BRINP2: variants seen among roughly 807,000 people sequenced by gnomAD.
The protein encoded by BRINP2 is BMP/retinoic acid inducible neural specific 2.
BRINP2 carries 21 observed loss-of-function variants against 69.2 expected under a neutral mutation model. The observed-to-expected ratio is 0.30, with a 90% CI of 0.22 to 0.44. The LOEUF (loss-of-function observed/expected upper bound fraction) is 0.44. Ranked by LOEUF, BRINP2 falls within the 20% of genes least tolerant of loss-of-function variation. BRINP2 has a pLI of 1.00. For missense variants in BRINP2, 877 were observed against 986.0 expected, an observed-to-expected ratio of 0.89 and a Z score of 1.48; for synonymous variants, 380 against 394.1, an observed-to-expected ratio of 0.96 and a Z score of 0.42.
At chr1:177,263,738 T>C (rs1175504628) in intron 4 of BRINP2, among the ~76,000 whole-genome samples, 3 of 152,142 alleles carry the variant, frequency 2.0e-5, no homozygotes, top group African/African-American at 7.2e-5. Flanking sequence ...AGGATGACTT[T>C]CTATTAACAG....
chr1:177,185,816 A>C (rs1648409671), intron 1 of BRINP2, among the ~76,000 whole-genome samples: 1 of 152,184 alleles, frequency 6.6e-6, no homozygotes, highest in East Asian at 1.9e-4. Context: ...CAGCTCTATC[A>C]GACAGCCTCT....
At chr1:177,225,097 A>G (rs1409409758) in intron 1 of BRINP2, among the ~76,000 whole-genome samples, 1 of 152,226 alleles carries the variant, frequency 6.6e-6, no homozygotes. Context: ...AAAAATTCCC[A>G]AGAAGTCCTC....
intron 1 of BRINP2, among the ~76,000 whole-genome samples, chr1:177,183,878 G>C (rs927629746): frequency 7.2e-5 from 11 of 152,144 alleles, no homozygotes; most frequent in African/African-American, 2.4e-4. Context: ...AATCCCACAT[G>C]TTTTCCATTA....
intron 1 of BRINP2, among the ~76,000 whole-genome samples, chr1:177,201,777 A>G (rs968311004): frequency 3.9e-5 from 6 of 152,196 alleles, no homozygotes; most frequent in Admixed American, 3.9e-4. Context: ...AAGGAATGGT[A>G]CCAGCTCCTC....
chr1:177,209,427 C>T (rs1246586520), intron 1 of BRINP2, among the ~76,000 whole-genome samples: 2 of 152,224 alleles, frequency 1.3e-5, no homozygotes, highest in Admixed American at 6.5e-5. Context: ...TGCTGAATCA[C>T]CAGCACCAGT....
intron 1 of BRINP2, among the ~76,000 whole-genome samples, chr1:177,205,911 C>T (rs1013754663): frequency 5.3e-5 from 8 of 152,178 alleles, no homozygotes; most frequent in South Asian, 2.1e-4. Flanking sequence ...CCTCCCATAG[C>T]GTATCAGTGC....
chr1:177,221,831 G>A (rs888110719), intron 1 of BRINP2, among the ~76,000 whole-genome samples: 2 of 152,170 alleles, frequency 1.3e-5, no homozygotes, highest in African/African-American at 2.4e-5. Flanking sequence ...CAAAGCAACC[G>A]CATAATCAAT....
chr1:177,190,630 T>C (rs2102296284), intron 1 of BRINP2, among the ~76,000 whole-genome samples: 1 of 152,322 alleles, frequency 6.6e-6, no homozygotes, highest in Middle Eastern at 3.4e-3. Context: ...AACTGGACCC[T>C]GCTGATAGTT....
At chr1:177,262,100 C>A (rs1205058884) in intron 4 of BRINP2, among the ~76,000 whole-genome samples, 1 of 152,134 alleles carries the variant, frequency 6.6e-6, no homozygotes. Flanking sequence ...AGAAATAATC[C>A]TTTTGCTATG....
intron 4 of BRINP2, among the ~76,000 whole-genome samples, chr1:177,268,143 AC>A (rs1651186477): frequency 6.6e-6 from 1 of 152,162 alleles, no homozygotes; most frequent in South Asian, 2.1e-4. Context: ...TTGGCATCCC[AC>A]CCCACAGTTC....
intron 2 of BRINP2, among the ~76,000 whole-genome samples, chr1:177,245,840 C>T (rs1477138294): frequency 1.3e-5 from 2 of 152,130 alleles, no homozygotes; most frequent in Admixed American, 6.6e-5. Flanking sequence ...TGAGAATAGC[C>T]AAACAGTGAT....
At chr1:177,271,138 A>G (rs1651313345) in intron 4 of BRINP2, among the ~76,000 whole-genome samples, 1 of 152,242 alleles carries the variant, frequency 6.6e-6, no homozygotes, top group Non-Finnish European at 1.5e-5. Context: ...TGCTCCTTGA[A>G]TATTTGTTAA....
intron 1 of BRINP2, among the ~76,000 whole-genome samples, chr1:177,228,500 G>A (rs1280439988): frequency 6.6e-6 from 1 of 152,194 alleles, no homozygotes; most frequent in Non-Finnish European, 1.5e-5. Flanking sequence ...AAGTACTGAA[G>A]TCCACATTGT....
At chr1:177,188,838 T>G (rs1423825390) in intron 1 of BRINP2, among the ~76,000 whole-genome samples, 1 of 152,144 alleles carries the variant, frequency 6.6e-6, no homozygotes, top group Non-Finnish European at 1.5e-5. Context: ...AACCCACACC[T>G]ATCTTTCCTG....
intron 2 of BRINP2, among the ~76,000 whole-genome samples, chr1:177,233,496 A>C (rs184681417): frequency 6.6e-6 from 1 of 152,246 alleles, no homozygotes; most frequent in Non-Finnish European, 1.5e-5. Flanking sequence ...TAGCCTATGC[A>C]GGAAGGATAA....
At chr1:177,187,517 C>CA (rs1648462176) in intron 1 of BRINP2, among the ~76,000 whole-genome samples, 1 of 152,174 alleles carries the variant, frequency 6.6e-6, no homozygotes, top group Non-Finnish European at 1.5e-5. Context: ...ACATCCTGTG[C>CA]ACAGGGTCAG....
rs558204228 is a variant in BRINP2 at position 177,281,831 on chromosome 1, G to A, written c.*303G>A. On this transcript the variant is annotated 3_prime_UTR_variant, in exon 8 of 8. Coordinates refer to ENST00000361539, the MANE Select transcript of BRINP2 (RefSeq NM_021165.4). ...ATGCAATTGAAAGAAAGGAGCCAAG[G>A]AAGAGATTAAGAAAAAGAACCAGCT... is the stretch of plus-strand genomic sequence containing the variant. 6.5e-4 allele frequency: 170 copies of A among 260,664 alleles called. No individual in the cohort carries two copies. Among genetic ancestry groups the A allele is most frequent in the Non-Finnish European group, 1.1e-3 (153 of 138,792 alleles). The allele number at this position is 260,664 out of a possible 1,614,324, so 16.1% of individuals were successfully genotyped here.
chr1:177,265,401 C>T (rs150586290), intron 4 of BRINP2, among the ~76,000 whole-genome samples: 2 of 152,114 alleles, frequency 1.3e-5, no homozygotes, highest in South Asian at 2.1e-4. Flanking sequence ...GCCCTTTGTC[C>T]CTTCTTCATG....
chr1:177,214,661 C>T (rs1200747392), intron 1 of BRINP2, among the ~76,000 whole-genome samples: 2 of 152,212 alleles, frequency 1.3e-5, no homozygotes, highest in Admixed American at 6.5e-5. Flanking sequence ...ACCAGGATTA[C>T]ATGGCAACAA....
Sources: allele counts gnomAD v4.1 joint callset (sites outside exome capture counted in the v4.1 genomes callset), GRCh38; gene constraint gnomAD v4.1.1; transcripts MANE v1.5; gene names NCBI Gene and HGNC (gene_info 2026-07-23, HGNC 2026-07-21).